The following SYNDIG1L variants were observed in gnomAD, a reference collection of about 807,000 sequenced individuals.
SYNDIG1L encodes the protein synapse differentiation-inducing gene protein 1-like.
A neutral mutation model predicts 20.1 loss-of-function variants in SYNDIG1L; 13 were observed. That is an observed-to-expected ratio of 0.65 (90% CI 0.42 to 1.03). SYNDIG1L has a LOEUF of 1.03. Ranked by LOEUF, SYNDIG1L falls within the 50% of genes least tolerant of loss-of-function variation. The pLI, the probability that SYNDIG1L is intolerant of heterozygous loss-of-function variation, is 0.00. For missense variants in SYNDIG1L, 294 were observed against 305.1 expected (o/e 0.96, Z 0.27); for synonymous variants, 128 against 129.3 (o/e 0.99, Z 0.07).
chr14:74,468,732 C>T, the SYNDIG1L span, among the ~76,000 whole-genome samples: 1 of 152,176 alleles, frequency 6.6e-6, no homozygotes, highest in Admixed American at 6.5e-5. Flanking sequence ...ACTGACCCAA[C>T]CATCCCACAC....
At chr14:74,477,543 G>A in the SYNDIG1L span, among the ~76,000 whole-genome samples, 1 of 151,544 alleles carries the variant, frequency 6.6e-6, no homozygotes, top group African/African-American at 2.4e-5. Flanking sequence ...AGATCACTCT[G>A]TTCCTTTTAA....
chr14:74,451,210 G>C, the SYNDIG1L span, among the ~76,000 whole-genome samples: 1 of 152,290 alleles, frequency 6.6e-6, no homozygotes, highest in South Asian at 2.1e-4. Flanking sequence ...TGAGGTGTTG[G>C]CATCAAGACA....
At chr14:74,449,438 C>CAAAAAAAAAAA in the SYNDIG1L span, among the ~76,000 whole-genome samples, 124 of 34,016 alleles carry the variant, frequency 3.6e-3, 36 homozygotes, top group Non-Finnish European at 4.3e-3. Context: ...CCTGTCTTTA[C>CAAAAAAAAAAA]AAAAAAAAAA....
chr14:74,444,754 C>CA, the SYNDIG1L span, among the ~76,000 whole-genome samples: 3 of 150,818 alleles, frequency 2.0e-5, no homozygotes, highest in Admixed American at 6.6e-5. Context: ...AACCCTGTCT[C>CA]AAAAAAACAA....
At chr14:74,469,488 G>C in the SYNDIG1L span, among the ~76,000 whole-genome samples, 1 of 151,770 alleles carries the variant, frequency 6.6e-6, no homozygotes, top group African/African-American at 2.4e-5. Context: ...CCTGAAAGTT[G>C]TGCACATGTA....
At chr14:74,448,579 C>T in the SYNDIG1L span, among the ~76,000 whole-genome samples, 7 of 152,016 alleles carry the variant, frequency 4.6e-5, no homozygotes, top group African/African-American at 1.2e-4. Context: ...CTTCTATATC[C>T]GTGCTTTTTA....
chr14:74,446,252 T>A, the SYNDIG1L span, among the ~76,000 whole-genome samples: 2 of 152,318 alleles, frequency 1.3e-5, no homozygotes, highest in East Asian at 3.9e-4. Context: ...AGAAACAGCC[T>A]AAATATTCCA....
chr14:74,469,220 T>G, the SYNDIG1L span, among the ~76,000 whole-genome samples: 7 of 151,964 alleles, frequency 4.6e-5, no homozygotes, highest in African/African-American at 1.7e-4. Context: ...TTCATGTCCT[T>G]TGTAGGGACA....
At chr14:74,462,409 G>A in the SYNDIG1L span, among the ~76,000 whole-genome samples, 3 of 151,908 alleles carry the variant, frequency 2.0e-5, no homozygotes, top group African/African-American at 4.8e-5. Flanking sequence ...ACCTGAATCC[G>A]GGAGGTGGAG....
chr14:74,437,918 G>GC, the SYNDIG1L span, among the ~76,000 whole-genome samples: 24 of 152,244 alleles, frequency 1.6e-4, no homozygotes, highest in African/African-American at 5.8e-4. Context: ...ACGTTCTTCT[G>GC]CCCCCACAGA....
the SYNDIG1L span, among the ~76,000 whole-genome samples, chr14:74,460,130 C>G: frequency 6.6e-6 from 1 of 152,064 alleles, no homozygotes; most frequent in East Asian, 1.9e-4. Context: ...CTGCCCTTTC[C>G]TCTCAGGCTT....
At chr14:74,464,288 C>T in the SYNDIG1L span, among the ~76,000 whole-genome samples, 3 of 152,128 alleles carry the variant, frequency 2.0e-5, no homozygotes, top group Admixed American at 2.0e-4. Flanking sequence ...CCCTGATGCG[C>T]CCATGCTGGC....
At chr14:74,445,599 T>C in the SYNDIG1L span, among the ~76,000 whole-genome samples, 3 of 152,024 alleles carry the variant, frequency 2.0e-5, no homozygotes, top group Non-Finnish European at 4.4e-5. Context: ...CTCAGCCTCC[T>C]GAGTAGTTGG....
At chr14:74,447,166 T>C in the SYNDIG1L span, among the ~76,000 whole-genome samples, 2 of 152,216 alleles carry the variant, frequency 1.3e-5, no homozygotes, top group African/African-American at 4.8e-5. Context: ...GTTACAACTG[T>C]ATTAATAACA....
At chr14:74,409,161 C>T (rs894716093) in intron 2 of SYNDIG1L, among the ~76,000 whole-genome samples, 167 bp downstream of exon 2, 1 of 151,936 alleles carries the variant, frequency 6.6e-6, no homozygotes, top group Non-Finnish European at 1.5e-5. Context: ...TCACTGCAGC[C>T]TCAACCTCCT....
the SYNDIG1L span, among the ~76,000 whole-genome samples, chr14:74,433,357 G>A: frequency 7.3e-3 from 1,115 of 152,094 alleles, 17 homozygotes; most frequent in African/African-American, 0.025. Flanking sequence ...TACATGCCAG[G>A]CACTTGTTTA....
upstream of SYNDIG1L, among the ~76,000 whole-genome samples, chr14:74,430,954 TA>T (rs918390987): frequency 2.0e-5 from 3 of 152,144 alleles, no homozygotes; most frequent in Non-Finnish European, 2.9e-5. Context: ...AGAAGCTAAG[TA>T]ACTTCCAACT....
upstream of SYNDIG1L, among the ~76,000 whole-genome samples, chr14:74,427,459 C>A (rs554369557): frequency 6.6e-6 from 1 of 152,058 alleles, no homozygotes; most frequent in South Asian, 2.1e-4. Flanking sequence ...TGGCACAGTT[C>A]GGTGTAGCTC....
the SYNDIG1L span, among the ~76,000 whole-genome samples, chr14:74,462,229 A>G: frequency 1.3e-5 from 2 of 151,834 alleles, no homozygotes. Flanking sequence ...CACTCCTGTA[A>G]TCCCAGCACT....
Sources: allele counts gnomAD v4.1 joint callset (sites outside exome capture counted in the v4.1 genomes callset), GRCh38; gene constraint gnomAD v4.1.1; transcripts MANE v1.5; gene names NCBI Gene and HGNC (gene_info 2026-07-23, HGNC 2026-07-21).